PTPN14: variants seen among roughly 807,000 people sequenced by gnomAD.
PTPN14 encodes tyrosine-protein phosphatase non-receptor type 14.
Under a neutral mutation model 126.8 loss-of-function variants are expected in PTPN14, and 53 were observed. The ratio of observed to expected loss-of-function variants is 0.42; its 90% confidence interval spans 0.34 to 0.53. The LOEUF (loss-of-function observed/expected upper bound fraction) is 0.53. Among genes scored for constraint, PTPN14 ranks in the 20% least tolerant of loss-of-function variants. PTPN14 has a pLI of 0.08. For synonymous variants in PTPN14, 630 were observed against 599.3 expected (o/e 1.05, Z -0.75); for missense variants, 1,257 against 1,552.9 (o/e 0.81, Z 3.20).
intron 1 of PTPN14, among the ~76,000 whole-genome samples, chr1:214,513,377 T>C (rs1203228485): frequency 6.6e-6 from 1 of 152,166 alleles, no homozygotes; most frequent in Non-Finnish European, 1.5e-5. Flanking sequence ...CTTTAAAAAT[T>C]TGAACATGTT....
intron 1 of PTPN14, among the ~76,000 whole-genome samples, chr1:214,511,568 G>A (rs1654975028): frequency 1.3e-5 from 2 of 152,198 alleles, no homozygotes; most frequent in South Asian, 4.2e-4. Context: ...TGCACTGTTG[G>A]TGGGAATACA....
At chr1:214,543,724 T>G (rs2102486250) in intron 1 of PTPN14, among the ~76,000 whole-genome samples, 1 of 152,096 alleles carries the variant, frequency 6.6e-6, no homozygotes, top group East Asian at 1.9e-4. Flanking sequence ...CTCCGCCTCC[T>G]GGGTTCAAGT....
At chr1:214,396,171 G>A (rs944677040) in intron 8 of PTPN14, among the ~76,000 whole-genome samples, 1 of 152,156 alleles carries the variant, frequency 6.6e-6, no homozygotes, top group Non-Finnish European at 1.5e-5. Context: ...TATAGAGTCC[G>A]ATTCTTACAC....
At chr1:214,534,234 C>T (rs1655638130) in intron 1 of PTPN14, among the ~76,000 whole-genome samples, 1 of 152,164 alleles carries the variant, frequency 6.6e-6, no homozygotes, top group Non-Finnish European at 1.5e-5. Flanking sequence ...GATCTACAAG[C>T]AATTCTTGCC....
chr1:214,364,826 T>C lies in PTPN14; in HGVS notation c.3272-151A>G. The C allele has an allele frequency of 1.3e-6, 1 of 792,424 alleles. No homozygotes were observed. Among genetic ancestry groups the C allele is most frequent in the East Asian group, 3.0e-5 (1 of 33,796 alleles). The allele number at this position is 792,424 out of a possible 1,614,324, so 49.1% of individuals were successfully genotyped here. A position where few individuals can be genotyped will look rare whatever the true frequency, so the allele number is the denominator to read the frequency against. On this transcript the variant is annotated intron_variant, in intron 17 of 18. Transcript: ENST00000366956. The surrounding 1 kb of genome is among the most constrained non-coding windows in gnomAD (Gnocchi z 4.1). ...GTGTGTTTTAAGTGACAATAATTTATAGTTCTTACAAGACACTAATTATTT... is the reference window on the plus strand; with the variant it reads ...GTGTGTTTTAAGTGACAATAATTTACAGTTCTTACAAGACACTAATTATTT...
In PTPN14 at chr1:214,464,623, CT is replaced by C. The variant is rs753803086; in HGVS notation, c.174+6del. ...CGCACATGCGCACACAGACACACCC[CT>C]CTTACCTCTCGCAGCTCCAGCCTCT... is the stretch of plus-strand genomic sequence containing the variant. On this transcript the variant is annotated splice_donor_region_variant and intron_variant, in intron 2 of 18. Transcript: ENST00000366956. The C allele has an allele frequency of 4.3e-5, 69 of 1,613,770 alleles. 1 individual carries two copies. The highest frequency in any genetic ancestry group is 2.5e-4 in the South Asian group (23 of 91,080).
At chr1:214,462,856 TG>T (rs990576153) in intron 2 of PTPN14, among the ~76,000 whole-genome samples, 17 of 152,328 alleles carry the variant, frequency 1.1e-4, no homozygotes, top group East Asian at 3.9e-4. Flanking sequence ...TAACAAAAAA[TG>T]GGTTTTTTTT....
intron 1 of PTPN14, chr1:214,483,053 T>C: frequency 2.5e-6 from 4 of 1,609,510 alleles, no homozygotes; most frequent in South Asian, 2.2e-5. Context: ...CTTGTCTACA[T>C]GGAAAATCAA....
chr1:214,380,518 A>C (rs1307495683), intron 13 of PTPN14, among the ~76,000 whole-genome samples: 1 of 152,202 alleles, frequency 6.6e-6, no homozygotes, highest in Non-Finnish European at 1.5e-5. Context: ...AAGTATCTTC[A>C]AGGAAGCAGT....
At chr1:214,505,820 T>G (rs1042823798) in intron 1 of PTPN14, among the ~76,000 whole-genome samples, 1 of 152,140 alleles carries the variant, frequency 6.6e-6, no homozygotes, top group Non-Finnish European at 1.5e-5. Context: ...CACTTGAGTC[T>G]GGGAGTTTGA....
In PTPN14 at chr1:214,520,066, A is replaced by G. The variant is rs1558139402; in HGVS notation, c.-155+31117T>C. On this transcript the variant is annotated intron_variant, in intron 1 of 18. Coordinates refer to ENST00000366956, the MANE Select transcript of PTPN14 (RefSeq NM_005401.5). ...CTGTCTCAAAAAAAAAAAAAAAAAA[A>G]TATATATATATATATATGCAGAATA... 1.2e-3 allele frequency among the ~76,000 whole-genome samples: 25 copies of G among 20,522 alleles called. No individual in the cohort carries two copies. The South Asian group carries it at 0.019, about 15-fold the overall frequency. The allele number at this position is 20,522 out of a possible 152,430, so 13.5% of individuals were successfully genotyped here.
intron 3 of PTPN14, among the ~76,000 whole-genome samples, chr1:214,436,799 AAAAAAAAAAAAAAAAGGTTTGTCAG>A (rs1659929039): frequency 7.7e-6 from 1 of 129,716 alleles, no homozygotes. Context: ...AAAAAAAAAA[AAAAAAAAAAAAAAAAGGTTTGTCAG>A]AATATTAGCT....
chr1:214,390,766 G>C (rs1658730463), intron 11 of PTPN14, among the ~76,000 whole-genome samples: 1 of 152,170 alleles, frequency 6.6e-6, no homozygotes, highest in Non-Finnish European at 1.5e-5. Flanking sequence ...CCTACTCTCA[G>C]GGTAAACCCT....
intron 3 of PTPN14, among the ~76,000 whole-genome samples, chr1:214,415,683 T>C (rs377025485): frequency 6.4e-4 from 98 of 152,312 alleles, no homozygotes; most frequent in Admixed American, 4.4e-3. Flanking sequence ...CTCTACCATG[T>C]TGATGTCACA....
rs71165970 is a variant in PTPN14, at chr1:214,449,011, C to CTTTTTTTTTTTT, written c.344+2782_344+2793dup. The stretch of plus-strand genomic sequence containing the variant: ...TGTGCCCTTGTAAGACTTAATTTTT[C>CTTTTTTTTTTTT]TTTTTTTTTTTTTGAGACGGAGTCT... On this transcript the variant is annotated intron_variant, in intron 3 of 18. Coordinates refer to ENST00000366956, the MANE Select transcript of PTPN14 (RefSeq NM_005401.5). Among the ~76,000 whole-genome samples, 121 of 112,414 alleles carry CTTTTTTTTTTTT rather than the reference C, an allele frequency of 1.1e-3. 8 individuals are homozygous for CTTTTTTTTTTTT. The highest frequency in any genetic ancestry group is 3.2e-3 in the South Asian group (10 of 3,092). The allele number at this position is 112,414 out of a possible 152,430, so 73.7% of individuals were successfully genotyped here. A position where few individuals can be genotyped will look rare whatever the true frequency, so the allele number is the denominator to read the frequency against.
intron 3 of PTPN14, among the ~76,000 whole-genome samples, chr1:214,422,506 T>C (rs1659565325): frequency 6.6e-6 from 1 of 152,196 alleles, no homozygotes; most frequent in Non-Finnish European, 1.5e-5. Flanking sequence ...AATACATATC[T>C]GCCTGCCCTG....
chr1:214,381,179 AG>A (rs1472280058), intron 13 of PTPN14, among the ~76,000 whole-genome samples: 2 of 152,222 alleles, frequency 1.3e-5, no homozygotes, highest in African/African-American at 4.8e-5. Flanking sequence ...TTTTGGCTAC[AG>A]GCTATTTGTT....
At chr1:214,485,917 G>A (rs201633532) in intron 1 of PTPN14, among the ~76,000 whole-genome samples, 2 of 152,002 alleles carry the variant, frequency 1.3e-5, no homozygotes, top group African/African-American at 4.8e-5. Context: ...TAGTAGAGAC[G>A]GGGTTTCACC....
intron 16 of PTPN14, among the ~76,000 whole-genome samples, chr1:214,370,292 A>AG (rs1658188266): frequency 1.3e-5 from 2 of 151,868 alleles, no homozygotes; most frequent in Non-Finnish European, 2.9e-5. Context: ...AAAAAAAAAA[A>AG]AAAAGAAAAA....
Sources: gnomAD v4.1 joint callset for allele counts (sites outside exome capture counted in the v4.1 genomes callset) on GRCh38, gnomAD v4.1.1 for gene constraint, Gnocchi (gnomAD v3.1) non-coding constraint, MANE v1.5 for transcripts, NCBI Gene and HGNC (gene_info 2026-07-23, HGNC 2026-07-21) for gene names.